The following TENT5A variants were observed in gnomAD, a reference collection of about 807,000 sequenced individuals.
TENT5A encodes the protein terminal nucleotidyltransferase 5A.
A neutral mutation model predicts 30.2 loss-of-function variants in TENT5A; 9 were observed. That is an observed-to-expected ratio of 0.30 (90% confidence interval 0.18 to 0.52). The LOEUF is 0.52. Among genes scored for constraint, TENT5A ranks in the 20% least tolerant of loss-of-function variants. The probability of loss-of-function intolerance (pLI) is 0.97; values close to 1 mark genes in which losing one functional copy is unlikely to be tolerated. For missense variants in TENT5A, 411 were observed against 566.1 expected, an observed-to-expected ratio of 0.73 and a Z score of 2.78; for synonymous variants, 264 against 234.2, an observed-to-expected ratio of 1.13 and a Z score of -1.16.
intron 1 of TENT5A, 124 bp downstream of exon 1, chr6:81,752,307 T>A: frequency 2.0e-6 from 3 of 1,532,744 alleles, no homozygotes; most frequent in Non-Finnish European, 2.6e-6. Context: ...CCGGGCCTCC[T>A]CGGAGACTCC....
chr6:81,751,285 A>G (rs982318705), intron 2 of TENT5A, among the ~76,000 whole-genome samples: 19 of 152,162 alleles, frequency 1.2e-4, no homozygotes, highest in Admixed American at 5.2e-4. Flanking sequence ...ATCAGAATCT[A>G]CTCTGGACAA....
chr6:81,749,284 T>G lies in TENT5A; in HGVS notation c.*411A>C. On this transcript the variant is annotated 3_prime_UTR_variant, in exon 3 of 3. Transcript: ENST00000320172. Reference sequence around the variant, plus strand: ...TCACAAGTTGGAGTGAGACCTTTTTTCCTCCGTATTTTCCCTTTTATGAAT... The same window carrying G: ...TCACAAGTTGGAGTGAGACCTTTTTGCCTCCGTATTTTCCCTTTTATGAAT... 1.0e-6 allele frequency: 1 copy of G among 994,596 alleles called. No homozygotes were observed. Among genetic ancestry groups the G allele is most frequent in the Non-Finnish European group, 1.2e-6 (1 of 836,232 alleles). 61.6% of individuals were successfully genotyped at this position (994,596 alleles called of 1,614,324 possible). A position where few individuals can be genotyped will look rare whatever the true frequency, so the allele number is the denominator to read the frequency against.
rs1357824698 is a variant in TENT5A at position 81,746,797 on chromosome 6, C to A, written c.*2898G>T. 4 of 1,201,626 alleles carry A rather than the reference C, an allele frequency of 3.3e-6. No individual in the cohort carries two copies. Among genetic ancestry groups the A allele is most frequent in the Non-Finnish European group, 4.1e-6 (4 of 969,286 alleles). The allele number at this position is 1,201,626 out of a possible 1,614,324, so 74.4% of individuals were successfully genotyped here. A position where few individuals can be genotyped will look rare whatever the true frequency, so the allele number is the denominator to read the frequency against. ...GACCTATACACATGGCTCTCTCTCA[C>A]CAGACATTCAAATTTTTAGGCCGCA... is the stretch of plus-strand genomic sequence containing the variant. On this transcript the variant is annotated 3_prime_UTR_variant, in exon 3 of 3. Coordinates refer to ENST00000320172, the MANE Select transcript of TENT5A (RefSeq NM_017633.3).
At position 81,747,318 on chromosome 6, in the gene TENT5A, CA is replaced by C; in HGVS notation, c.*2376del. 2.0e-6 allele frequency: 2 copies of C among 985,798 alleles called. No individual in the cohort carries two copies. 61.1% of individuals were successfully genotyped at this position (985,798 alleles called of 1,614,324 possible). On this transcript the variant is annotated 3_prime_UTR_variant, in exon 3 of 3. Transcript: ENST00000320172. ...TGCCAGGCTTAATCTGCAAACTGAACAATGTTTCCTGGGAAGTTGCAATTAA... is the reference window on the plus strand; with the variant it reads ...TGCCAGGCTTAATCTGCAAACTGAACATGTTTCCTGGGAAGTTGCAATTAA...
At chr6:81,752,273 C>CCCTCCCCCGATAGTTCCCTGACCCCGGG in intron 1 of TENT5A, 95 bp from the exon 2 acceptor site, 1 of 1,490,802 alleles carries the variant, frequency 6.7e-7, no homozygotes, top group Non-Finnish European at 8.9e-7. Context: ...AAAGAGCGCC[C>CCCTCCCCCGATAGTTCCCTGACCCCGGG]CCTCCCCCGA....
chr6:81,746,584 A>G lies in TENT5A; in HGVS notation c.*3111T>C, dbSNP rs1768890128. On this transcript the variant is annotated 3_prime_UTR_variant, in exon 3 of 3. Coordinates refer to ENST00000320172, the MANE Select transcript of TENT5A (RefSeq NM_017633.3). ...AGGCAGCTGGATTTACTGCAAATTA[A>G]GTAAACCTTTAAAAACGGCATTGTC... The G allele has an allele frequency of 1.6e-6, 2 of 1,232,110 alleles. No homozygotes were observed. The highest frequency in any genetic ancestry group is 2.0e-6 in the Non-Finnish European group (2 of 987,926). 76.3% of individuals were successfully genotyped at this position (1,232,110 alleles called of 1,614,324 possible).
rs774354455 is a variant in TENT5A at position 81,750,019 on chromosome 6, T to C, written c.1005A>G (p.Lys335=). Residue 335 remains lysine, a synonymous_variant, in exon 3 of 3, where the codon AAA becomes AAG. Transcript: ENST00000320172. The surrounding 1 kb of genome is among the most constrained non-coding windows in gnomAD (Gnocchi z 4.2). ...DFSDIGEQQR[K]LESYLQNHFV... is the part of the protein sequence containing the mutation. ...AGTGGTTCTGCAAATAGGACTCCAG[T>C]TTTCTCTGCTGCTCTCCAATGTCTG... is the stretch of plus-strand genomic sequence containing the variant. The C allele has an allele frequency of 6.2e-7, 1 of 1,614,176 alleles. No individual in the cohort carries two copies. Among genetic ancestry groups the C allele is most frequent in the South Asian group, 1.1e-5 (1 of 91,080 alleles).
At position 81,746,900 on chromosome 6, in the gene TENT5A, A is replaced by G. The variant is rs947600144; in HGVS notation, c.*2795T>C. On this transcript the variant is annotated 3_prime_UTR_variant, in exon 3 of 3. Coordinates refer to ENST00000320172, the MANE Select transcript of TENT5A (RefSeq NM_017633.3). ...AGACTATAGTACACACAAAATAGAA[A>G]TAAATTATATAAGTCTTAAAGTAAA... 6.7e-6 allele frequency: 7 copies of G among 1,044,410 alleles called. No individual in the cohort carries two copies. The highest frequency in any genetic ancestry group is 8.1e-6 in the Non-Finnish European group (7 of 868,866). The allele number at this position is 1,044,410 out of a possible 1,614,324, so 64.7% of individuals were successfully genotyped here.
chr6:81,752,300 G>A (rs1769063619), intron 1 of TENT5A, 122 bp from the exon 2 acceptor site: 2 of 1,529,982 alleles, frequency 1.3e-6, no homozygotes, highest in African/African-American at 1.4e-5. Flanking sequence ...CCTGACCCCG[G>A]GCCTCCTCGG....
chr6:81,751,833 C>A lies in TENT5A; in HGVS notation c.309G>T (p.Val103=). ...LELQPSLIVK[V]VRRRLAEKRI... ...GCTTCTCGGCCAGGCGCCGCCGCACCACCTTCACGATCAGGCTCGGCTGCA... is the reference window on the plus strand; with the variant it reads ...GCTTCTCGGCCAGGCGCCGCCGCACAACCTTCACGATCAGGCTCGGCTGCA... The change falls in exon 2 of 3, where the codon GTG becomes GTT. Residue 103 remains valine (V), a synonymous_variant. Coordinates refer to ENST00000320172, the MANE Select transcript of TENT5A (RefSeq NM_017633.3). 6.2e-7 allele frequency: 1 copy of A among 1,613,020 alleles called. No homozygotes were observed. Among genetic ancestry groups the A allele is most frequent in the Non-Finnish European group, 8.5e-7 (1 of 1,179,878 alleles).
intron 2 of TENT5A, 48 bp downstream of exon 2, chr6:81,751,542 C>A: frequency 1.3e-6 from 2 of 1,522,090 alleles, no homozygotes; most frequent in Non-Finnish European, 1.8e-6. Flanking sequence ...CCCCGTCACA[C>A]CCGGCCCAGA....
At position 81,746,797 on chromosome 6, in the gene TENT5A, C is replaced by T. The variant is rs1357824698; in HGVS notation, c.*2898G>A. On this transcript the variant is annotated 3_prime_UTR_variant, in exon 3 of 3. Transcript: ENST00000320172. ...GACCTATACACATGGCTCTCTCTCACCAGACATTCAAATTTTTAGGCCGCA... is the reference window on the plus strand; with the variant it reads ...GACCTATACACATGGCTCTCTCTCATCAGACATTCAAATTTTTAGGCCGCA... The T allele has an allele frequency of 8.3e-7, 1 of 1,201,744 alleles. No individual in the cohort carries two copies. Among genetic ancestry groups the T allele is most frequent in the Non-Finnish European group, 1.0e-6 (1 of 969,278 alleles). 74.4% of individuals were successfully genotyped at this position (1,201,744 alleles called of 1,614,324 possible).
rs1185729596 is a variant in TENT5A at position 81,750,283 on chromosome 6, T to C, written c.741A>G (p.Ser247=). ...GAAATGTCTCAGTCATTGGGTTCTC[T>C]GAACATTCATAAAAGAGCAGAAGAG... ...LDSLLLFYEC[S]ENPMTETFHP... is the part of the protein sequence containing the mutation. Residue 247 remains serine (S), a synonymous_variant, in exon 3 of 3, where the codon TCA becomes TCG. Transcript: ENST00000320172. The surrounding 1 kb of genome is among the most constrained non-coding windows in gnomAD (Gnocchi z 4.2). The C allele has an allele frequency of 1.2e-6, 2 of 1,614,002 alleles. No individual in the cohort carries two copies. The highest frequency in any genetic ancestry group is 3.3e-5 in the Admixed American group (2 of 59,982).
At position 81,751,796 on chromosome 6, in the gene TENT5A, G is replaced by A; in HGVS notation, c.346C>T (p.Arg116Cys). 6.2e-7 allele frequency: 1 copy of A among 1,612,836 alleles called. No individual in the cohort carries two copies. Among genetic ancestry groups the A allele is most frequent in the Non-Finnish European group, 8.5e-7 (1 of 1,179,814 alleles). The stretch of plus-strand genomic sequence containing the variant: ...GCCGAGCCGTTGAGGCGCACGTCGC[G>A]GACGCCAATGCGCTTCTCGGCCAGG... ...RRLAEKRIGV[R>C]DVRLNGSAAS... The change falls in exon 2 of 3, where the codon CGC (arginine) becomes TGC (cysteine). Residue 116 changes from arginine (R) to cysteine (C), a missense_variant. By Grantham distance (180) the Arg-to-Cys change is radical. Transcript: ENST00000320172.
intron 2 of TENT5A, 150 bp downstream of exon 2, chr6:81,751,440 G>GT (rs1769031091): frequency 1.4e-6 from 1 of 717,986 alleles, no homozygotes; most frequent in Non-Finnish European, 2.3e-6. Flanking sequence ...CAGTTTACTG[G>GT]TTTAAAAAAT....
Position 81,752,544 on chromosome 6 carries a change from C to T in TENT5A, c.-151G>A. ...ACAGCAAATAGCGACTTCGTCTTTCCCAGACCCCTGCCGCCTGCGCTCACC... is the reference window on the plus strand; with the variant it reads ...ACAGCAAATAGCGACTTCGTCTTTCTCAGACCCCTGCCGCCTGCGCTCACC... On this transcript the variant is annotated 5_prime_UTR_variant, in exon 1 of 3. Coordinates refer to ENST00000320172, the MANE Select transcript of TENT5A (RefSeq NM_017633.3). 1 of 1,142,314 alleles carries T rather than the reference C, an allele frequency of 8.8e-7. No homozygotes were observed. Among genetic ancestry groups the T allele is most frequent in the African/African-American group, 1.5e-5 (1 of 65,356 alleles). 70.8% of individuals were successfully genotyped at this position (1,142,314 alleles called of 1,614,324 possible).
rs1360045202 is a variant in TENT5A, at chr6:81,752,145, G to A, written c.-4C>T. On this transcript the variant is annotated 5_prime_UTR_variant, in exon 2 of 3. Coordinates refer to ENST00000320172, the MANE Select transcript of TENT5A (RefSeq NM_017633.3). ...AGTACCCTTCACCCTCCGCCATGTA[G>A]TGCCCGCCGAGCGCCACTTGGCCCT... The A allele has an allele frequency of 1.3e-6, 2 of 1,539,452 alleles. No individual in the cohort carries two copies. Among genetic ancestry groups the A allele is most frequent in the Admixed American group, 4.0e-5 (2 of 50,098 alleles).
chr6:81,748,622 C>CAT lies in TENT5A; in HGVS notation c.*1071_*1072dup. ...ATAGTCAATCTACTGTGTATATATA[C>CAT]ATATAAAATGTATATATAAAATGTA... On this transcript the variant is annotated 3_prime_UTR_variant, in exon 3 of 3. Coordinates refer to ENST00000320172, the MANE Select transcript of TENT5A (RefSeq NM_017633.3). 1 of 925,222 alleles carries CAT rather than the reference C, an allele frequency of 1.1e-6. No homozygotes were observed. The highest frequency in any genetic ancestry group is 1.3e-6 in the Non-Finnish European group (1 of 775,340). The allele number at this position is 925,222 out of a possible 1,614,324, so 57.3% of individuals were successfully genotyped here.
rs753043995 is a variant in TENT5A at position 81,751,688 on chromosome 6, C to G, written c.454G>C (p.Gly152Arg). The G allele has an allele frequency of 6.2e-7, 1 of 1,614,218 alleles. No individual in the cohort carries two copies. The highest frequency in any genetic ancestry group is 1.1e-5 in the South Asian group (1 of 91,090). ...ACGTCCTTCACAGTCTGAAACTCCC[C>G]TTCCCCGCGCAGGTCGGCGCAGAAG... ...LIFCADLRGE[G>R]EFQTVKDVVL... The change falls in exon 2 of 3, where the codon GGG (glycine) becomes CGG (arginine). Residue 152 changes from glycine to arginine, a missense_variant. Coordinates refer to ENST00000320172, the MANE Select transcript of TENT5A (RefSeq NM_017633.3).
Sources: gnomAD v4.1 joint callset for allele counts (sites outside exome capture counted in the v4.1 genomes callset) on GRCh38, gnomAD v4.1.1 for gene constraint, Gnocchi (gnomAD v3.1) non-coding constraint, MANE v1.5 for transcripts, NCBI Gene and HGNC (gene_info 2026-07-23, HGNC 2026-07-21) for gene names.